ATCAY: variants seen among roughly 807,000 people sequenced by gnomAD.
The protein encoded by ATCAY is caytaxin.
Under a neutral mutation model 47.7 loss-of-function variants are expected in ATCAY, and 22 were observed. The observed-to-expected ratio is 0.46, with a 90% CI of 0.33 to 0.66. The LOEUF (loss-of-function observed/expected upper bound fraction) is 0.66. ATCAY is among the 30% of genes least tolerant of loss of function. ATCAY has a pLI of 0.02. For synonymous variants in ATCAY, 216 were observed against 207.6 expected (o/e 1.04, Z -0.35); for missense variants, 452 against 515.0 (o/e 0.88, Z 1.18).
At chr19:3,920,883 G>A in intron 12 of ATCAY, 85 bp downstream of exon 12, 1 of 1,517,680 alleles carries the variant, frequency 6.6e-7, no homozygotes, top group South Asian at 1.2e-5. Context: ...TAGAAGGACA[G>A]AAAATCAAAC....
At chr19:3,891,436 A>G (rs2038718594) in intron 2 of ATCAY, among the ~76,000 whole-genome samples, 1 of 151,820 alleles carries the variant, frequency 6.6e-6, no homozygotes, top group Non-Finnish European at 1.5e-5. Flanking sequence ...TGCTGCCTCA[A>G]TTTCTCCATT....
intron 8 of ATCAY, among the ~76,000 whole-genome samples, chr19:3,911,252 G>A (rs576120890): frequency 6.6e-6 from 1 of 152,216 alleles, no homozygotes; most frequent in South Asian, 2.1e-4. Flanking sequence ...TGTAGTTTCA[G>A]CTACTTGGGA....
intron 10 of ATCAY, 146 bp from the exon 11 acceptor site, chr19:3,918,660 A>C: frequency 1.3e-6 from 1 of 749,234 alleles, no homozygotes; most frequent in South Asian, 2.1e-5. Flanking sequence ...AAGTTTTCTC[A>C]AATAGCAAAG....
intron 11 of ATCAY, 34 bp from the exon 12 acceptor site, chr19:3,920,732 C>T (rs1599149083): frequency 6.5e-7 from 1 of 1,539,086 alleles, no homozygotes; most frequent in Non-Finnish European, 8.8e-7. Context: ...CAAAAATAAG[C>T]AAATAACGCC....
In ATCAY at chr19:3,907,095, C is replaced by T. The variant is rs2038867458; in HGVS notation, c.359-639C>T. The stretch of plus-strand genomic sequence containing the variant: ...GCTGCAGTGAGCAGAGATCGCACCA[C>T]TCCACTCCAGCCTGGGCGATGGAAC... On this transcript the variant is annotated intron_variant, in intron 4 of 12. Transcript: ENST00000450849. This position sits in a 1 kb window ranked among gnomAD's most constrained non-coding sequence, Gnocchi z 5.1. Among the ~76,000 whole-genome samples, 1 of 149,906 alleles carries T rather than the reference C, an allele frequency of 6.7e-6. No homozygotes were observed. Among genetic ancestry groups the T allele is most frequent in the Non-Finnish European group, 1.5e-5 (1 of 67,704 alleles).
At chr19:3,895,518 A>G (rs28510451) in intron 2 of ATCAY, among the ~76,000 whole-genome samples, 1 of 150,370 alleles carries the variant, frequency 6.7e-6, no homozygotes, top group African/African-American at 2.5e-5. Flanking sequence ...CCTGGCCCCC[A>G]TTTTAGTCAT....
intron 2 of ATCAY, among the ~76,000 whole-genome samples, chr19:3,889,425 T>TA (rs1371881789): frequency 6.6e-6 from 1 of 150,602 alleles, no homozygotes; most frequent in Non-Finnish European, 1.5e-5. Flanking sequence ...AATAAATAAA[T>TA]AAAAATAAAA....
chr19:3,881,170 G>T (rs1333180250), intron 1 of ATCAY, among the ~76,000 whole-genome samples, 162 bp downstream of exon 1: 1 of 152,120 alleles, frequency 6.6e-6, no homozygotes, highest in South Asian at 2.1e-4. Flanking sequence ...CCCTGTTCCC[G>T]GTACCAGGGA....
chr19:3,902,595 G>A (rs748959413), intron 3 of ATCAY, 50 bp downstream of exon 3: 4 of 1,540,924 alleles, frequency 2.6e-6, no homozygotes, highest in African/African-American at 1.4e-5. Context: ...GTGTTTCCGG[G>A]TTTCAGCCCT....
intron 3 of ATCAY, 38 bp downstream of exon 3, chr19:3,902,583 C>T: frequency 1.3e-6 from 2 of 1,549,720 alleles, no homozygotes; most frequent in South Asian, 1.2e-5. Context: ...GAAACAGGCT[C>T]AGTGTTTCCG....
chr19:3,885,171 C>A (rs2038638922), intron 1 of ATCAY, among the ~76,000 whole-genome samples: 1 of 147,982 alleles, frequency 6.8e-6, no homozygotes, highest in Non-Finnish European at 1.5e-5. Context: ...GTAATCCCAG[C>A]ACTTTGGGAG....
In ATCAY at chr19:3,924,667, C is replaced by T; in HGVS notation, c.*75C>T. ...AAACCTCTGTCAGACGCCCACTGGC[C>T]CCAGATCTCATCCTGCCTCATCCTG... On this transcript the variant is annotated 3_prime_UTR_variant, in exon 13 of 13. Transcript: ENST00000450849. 3 of 1,542,164 alleles carry T rather than the reference C, an allele frequency of 1.9e-6. No homozygotes were observed. In the Admixed American group the frequency reaches 5.2e-5, roughly 27 times the overall value.
At chr19:3,913,659 T>C in intron 8 of ATCAY, 99 bp from the exon 9 acceptor site, 1 of 839,952 alleles carries the variant, frequency 1.2e-6, no homozygotes, top group Non-Finnish European at 2.0e-6. Context: ...TGGAGTGGGG[T>C]CCTGTGGGGA....
intron 1 of ATCAY, among the ~76,000 whole-genome samples, chr19:3,883,794 A>G (rs1459078592): frequency 6.6e-6 from 1 of 152,216 alleles, no homozygotes; most frequent in African/African-American, 2.4e-5. Context: ...TCCAAAAGGT[A>G]TCTTAGAGGT....
rs2145275078 is a variant in ATCAY at position 3,927,105 on chromosome 19, C to A, written c.*2513C>A. On this transcript the variant is annotated 3_prime_UTR_variant, in exon 13 of 13. Coordinates refer to ENST00000450849, the MANE Select transcript of ATCAY (RefSeq NM_033064.5). The stretch of plus-strand genomic sequence containing the variant: ...GTGTGGTGGCGCGCACCTGTAGTCC[C>A]AGCTACTCAGGAGGCTGAGGTAGAA... 1 of 152,280 alleles carries A rather than the reference C, an allele frequency of 6.6e-6. No individual in the cohort carries two copies. The highest frequency in any genetic ancestry group is 6.5e-5 in the Admixed American group (1 of 15,272). The allele number at this position is 152,280 out of a possible 1,614,324, so 9.4% of individuals were successfully genotyped here.
intron 7 of ATCAY, 146 bp downstream of exon 7, chr19:3,909,763 G>A (rs2038907169): frequency 2.5e-6 from 3 of 1,196,122 alleles, no homozygotes; most frequent in Non-Finnish European, 3.5e-6. Context: ...GACCAGCCTG[G>A]GCAACGCAGC....
At position 3,907,948 on chromosome 19, in the gene ATCAY, G is replaced by A. The variant is rs767512378; in HGVS notation, c.544+29G>A. 2.1e-5 allele frequency: 33 copies of A among 1,602,804 alleles called. No individual in the cohort carries two copies. Among genetic ancestry groups the A allele is most frequent in the Non-Finnish European group, 2.8e-5 (33 of 1,174,870 alleles). On this transcript the variant is annotated intron_variant, in intron 5 of 12. Transcript: ENST00000450849. This position sits in a 1 kb window ranked among gnomAD's most constrained non-coding sequence, Gnocchi z 5.1. Reference sequence around the variant, plus strand: ...AGACCCGCCCCCCGGTGCCCCCTTGGGGCTCCAGCCCGGCCCACTGGGCAA... The same window carrying A: ...AGACCCGCCCCCCGGTGCCCCCTTGAGGCTCCAGCCCGGCCCACTGGGCAA...
At chr19:3,917,597 A>T (rs2038977095) in intron 9 of ATCAY, 145 bp from the exon 10 acceptor site, 2 of 890,544 alleles carry the variant, frequency 2.2e-6, no homozygotes, top group Non-Finnish European at 3.3e-6. Context: ...AAAAAAAAAA[A>T]AAAAAAAAAA....
chr19:3,902,522 G>A lies in ATCAY; in HGVS notation c.113G>A (p.Gly38Asp). The change falls in exon 3 of 13, where the codon GGC becomes GAC. Residue 38 changes from glycine (G) to aspartate (D), a missense_variant. By Grantham distance (94) the Gly-to-Asp change is moderately conservative (BLOSUM62 -1). Transcript: ENST00000450849. ...LPEETGVELL[G>D]SPVEDTSSPP... is the part of the protein sequence containing the mutation. ...GAAGAGACGGGGGTGGAACTGCTTG[G>A]CAGCCCGGTGGAAGACACATCCTGT... The A allele has an allele frequency of 6.3e-7, 1 of 1,577,544 alleles. No individual in the cohort carries two copies. Among genetic ancestry groups the A allele is most frequent in the Non-Finnish European group, 8.6e-7 (1 of 1,161,510 alleles).
Sources: gnomAD v4.1 joint callset for allele counts (sites outside exome capture counted in the v4.1 genomes callset) on GRCh38, gnomAD v4.1.1 for gene constraint, Gnocchi (gnomAD v3.1) non-coding constraint, MANE v1.5 for transcripts, NCBI Gene and HGNC (gene_info 2026-07-23, HGNC 2026-07-21) for gene names.